The following ARID2 variants were observed in gnomAD, a reference collection of about 807,000 sequenced individuals.
ARID2 encodes AT-rich interaction domain 2, also known as AT-rich interactive domain-containing protein 2.
In ARID2, 32 loss-of-function variants were observed where a neutral mutation model predicts 184.6. The observed-to-expected ratio is 0.17, with a 90% CI of 0.13 to 0.23. The LOEUF (loss-of-function observed/expected upper bound fraction) is 0.23, where lower values mean the gene tolerates loss of function less well. ARID2 is among the 10% of genes least tolerant of loss of function. The pLI is 1.00. For missense variants in ARID2, 1,696 were observed against 2,197.6 expected (o/e 0.77, Z 4.56); for synonymous variants, 836 against 772.6 (o/e 1.08, Z -1.36).
chr12:45,788,779 A>G (rs928433695), intron 3 of ARID2, among the ~76,000 whole-genome samples: 11 of 152,212 alleles, frequency 7.2e-5, no homozygotes, highest in African/African-American at 2.7e-4. Flanking sequence ...CTGTTCAAGA[A>G]CTTTGGAAAA....
rs141513852 is a variant in ARID2 at position 45,836,985 on chromosome 12, A to C, written c.1017A>C (p.Ala339=). 17 of 1,613,430 alleles carry C rather than the reference A, an allele frequency of 1.1e-5. No individual in the cohort carries two copies. Among genetic ancestry groups the C allele is most frequent in the Non-Finnish European group, 1.3e-5 (15 of 1,179,920 alleles). Residue 339 remains alanine (A), a synonymous_variant, in exon 8 of 21, where the codon GCA becomes GCC. Transcript: ENST00000334344. ...QLGLDTLGNI[A]AELLLDPVDF... ...GCCTTGACACATTAGGAAATATTGC[A>C]GCTGAGGTAAGCATGTGACTGTACC... is the stretch of plus-strand genomic sequence containing the variant.
At chr12:45,877,098 A>G (rs1295616004) in intron 16 of ARID2, among the ~76,000 whole-genome samples, 1 of 151,826 alleles carries the variant, frequency 6.6e-6, no homozygotes, top group African/African-American at 2.4e-5. Flanking sequence ...TCTCAAAAAA[A>G]AAAAAAAAAA....
intron 11 of ARID2, among the ~76,000 whole-genome samples, chr12:45,845,169 C>G (rs1429233747): frequency 1.3e-5 from 2 of 152,036 alleles, no homozygotes; most frequent in East Asian, 3.8e-4. Flanking sequence ...AACGTAATTT[C>G]TAGTGTTTCA....
intron 16 of ARID2, among the ~76,000 whole-genome samples, chr12:45,885,970 T>G (rs1222536449): frequency 6.6e-6 from 1 of 152,024 alleles, no homozygotes; most frequent in Non-Finnish European, 1.5e-5. Context: ...CCCTCCCAAA[T>G]CTCATGTCCT....
intron 3 of ARID2, among the ~76,000 whole-genome samples, chr12:45,764,052 G>A (rs539729532): frequency 6.6e-6 from 1 of 152,036 alleles, no homozygotes; most frequent in Non-Finnish European, 1.5e-5. Context: ...TCCTTAAGCA[G>A]TTTATGTGAT....
At chr12:45,797,771 A>G (rs1455666262) in intron 3 of ARID2, among the ~76,000 whole-genome samples, 3 of 152,018 alleles carry the variant, frequency 2.0e-5, no homozygotes, top group African/African-American at 7.2e-5. Flanking sequence ...TTAATTATTG[A>G]AAATGCTATT....
At chr12:45,805,158 A>G (rs1942578005) in intron 3 of ARID2, among the ~76,000 whole-genome samples, 1 of 151,752 alleles carries the variant, frequency 6.6e-6, no homozygotes, top group South Asian at 2.1e-4. Context: ...GCATGATAGG[A>G]TAGTCTTTAT....
chr12:45,757,307 A>T (rs1941588892), intron 3 of ARID2, among the ~76,000 whole-genome samples: 1 of 152,222 alleles, frequency 6.6e-6, no homozygotes, highest in African/African-American at 2.4e-5. Flanking sequence ...ATATGCTTAT[A>T]ATGTATCTTC....
intron 3 of ARID2, among the ~76,000 whole-genome samples, chr12:45,782,756 G>C (rs1370478941): frequency 6.6e-6 from 1 of 152,100 alleles, no homozygotes; most frequent in African/African-American, 2.4e-5. Context: ...AGGCTGACCT[G>C]TTGGGCTCTA....
chr12:45,809,856 G>A (rs1022369991), intron 3 of ARID2, among the ~76,000 whole-genome samples: 2 of 152,134 alleles, frequency 1.3e-5, no homozygotes, highest in African/African-American at 2.4e-5. Context: ...GATTTTTCAT[G>A]TCATTAGTTT....
rs1942576920 is a variant in ARID2, at chr12:45,805,103, C to G, written c.285-6315C>G. Among the ~76,000 whole-genome samples, 4 of 151,746 alleles carry G rather than the reference C, an allele frequency of 2.6e-5. No individual in the cohort carries two copies. The South Asian group carries it at 8.3e-4, about 32-fold the overall frequency. Reference sequence around the variant, plus strand: ...TCCTTTATGGATGTTTGTGTTGTTTCCAGTTGGTTTTATTTTAGGGTGTAT... The same window carrying G: ...TCCTTTATGGATGTTTGTGTTGTTTGCAGTTGGTTTTATTTTAGGGTGTAT... On this transcript the variant is annotated intron_variant, in intron 3 of 20. Transcript: ENST00000334344.
intron 16 of ARID2, among the ~76,000 whole-genome samples, chr12:45,866,412 A>G (rs977970067): frequency 1.3e-5 from 2 of 152,176 alleles, no homozygotes; most frequent in Non-Finnish European, 2.9e-5. Context: ...GCTATTACAT[A>G]TGAACAGAAC....
intron 5 of ARID2, among the ~76,000 whole-genome samples, chr12:45,820,162 TG>T (rs1271149844): frequency 1.3e-5 from 2 of 152,344 alleles, no homozygotes; most frequent in African/African-American, 4.8e-5. Context: ...TGATATTTTA[TG>T]AAATGCTTTT....
intron 11 of ARID2, among the ~76,000 whole-genome samples, chr12:45,844,836 A>T (rs546639944): frequency 6.6e-6 from 1 of 152,206 alleles, no homozygotes; most frequent in African/African-American, 2.4e-5. Context: ...GGATTTATGC[A>T]TTTAACCATA....
chr12:45,730,728 T>A (rs1378599784), intron 2 of ARID2, among the ~76,000 whole-genome samples: 1 of 152,044 alleles, frequency 6.6e-6, no homozygotes, highest in African/African-American at 2.4e-5. Context: ...CATCTTAGGC[T>A]TCAAGGCTAG....
rs1341423507 is a variant in ARID2 at position 45,852,874 on chromosome 12, A to G, written c.4751A>G (p.Tyr1584Cys). 2 of 1,590,984 alleles carry G rather than the reference A, an allele frequency of 1.3e-6. No homozygotes were observed. The highest frequency in any genetic ancestry group is 3.5e-5 in the Admixed American group (2 of 57,376). ...CAAAAGCAACAGCATCCACCAACAT[A>G]TGTACAGAATGTGGTCCCGCAGGTA... is the stretch of plus-strand genomic sequence containing the variant. ...VQQKQQHPPTYVQNVVPQNTP... is the reference protein window; with the variant it reads ...VQQKQQHPPTCVQNVVPQNTP... Residue 1584 changes from tyrosine to cysteine, a missense_variant, in exon 15 of 21, where the codon TAT becomes TGT. By Grantham distance (194) the Tyr-to-Cys change is radical. Around this residue, in one of 11 missense-constraint regions of ARID2, gnomAD observed 111 missense variants for 154.0 expected, o/e 0.72. Coordinates refer to ENST00000334344, the MANE Select transcript of ARID2 (RefSeq NM_152641.4).
At chr12:45,792,746 T>A (rs1377635492) in intron 3 of ARID2, among the ~76,000 whole-genome samples, 1 of 152,154 alleles carries the variant, frequency 6.6e-6, no homozygotes, top group African/African-American at 2.4e-5. Flanking sequence ...CCTGGTCAAT[T>A]GAATGTTTTT....
chr12:45,793,543 C>CTG (rs544399975), intron 3 of ARID2, among the ~76,000 whole-genome samples: 1,780 of 148,186 alleles, frequency 0.012, 16 homozygotes, highest in African/African-American at 0.025. Context: ...CTTTATGTAA[C>CTG]TGTGTGTGTG....
intron 2 of ARID2, among the ~76,000 whole-genome samples, chr12:45,730,818 GC>G (rs764003087): frequency 7.1e-4 from 100 of 141,212 alleles, no homozygotes; most frequent in South Asian, 9.1e-4. Flanking sequence ...CCCAGCCCCG[GC>G]CCCCCCCCCA....
Sources: gnomAD v4.1 joint callset for allele counts (sites outside exome capture counted in the v4.1 genomes callset) on GRCh38, gnomAD v4.1.1 for gene constraint, gnomAD v4.1.1 regional missense constraint, MANE v1.5 for transcripts, NCBI Gene and HGNC (gene_info 2026-07-23, HGNC 2026-07-21) for gene names.